Variants in FLRT2 observed in about 807,000 individuals in gnomAD.
FLRT2 encodes the protein fibronectin leucine rich transmembrane protein 2.
A neutral mutation model predicts 40.0 loss-of-function variants in FLRT2; 15 were observed. That is an observed-to-expected ratio of 0.38 (90% CI 0.25 to 0.58). The LOEUF is 0.58. Among genes scored for constraint, FLRT2 ranks in the 20% least tolerant of loss-of-function variants. The pLI is 0.71. For synonymous variants in FLRT2, 380 were observed against 336.8 expected, an observed-to-expected ratio of 1.13 and a Z score of -1.41; for missense variants, 726 against 840.0, an observed-to-expected ratio of 0.86 and a Z score of 1.68.
In FLRT2 at chr14:85,577,300, G is replaced by A. The variant is rs374051646; in HGVS notation, c.-376-43839G>A. Among the ~76,000 whole-genome samples the A allele has an allele frequency of 7.2e-5, 11 of 152,254 alleles. No individual in the cohort carries two copies. In the South Asian group the frequency reaches 2.1e-3, roughly 29 times the overall value. On this transcript the variant is annotated intron_variant, in intron 1 of 1. Transcript: ENST00000330753. Reference sequence around the variant, plus strand: ...TTTTGTCAATATATATAAAAATGGAGGAGAGGAAGTGAAATGATTCATTTT... The same window carrying A: ...TTTTGTCAATATATATAAAAATGGAAGAGAGGAAGTGAAATGATTCATTTT...
intron 1 of FLRT2, among the ~76,000 whole-genome samples, chr14:85,553,395 T>G (rs553979052): frequency 1.3e-5 from 2 of 152,238 alleles, no homozygotes; most frequent in African/African-American, 4.8e-5. Context: ...GTCCAATCTT[T>G]TGGCTTCCTG....
chr14:85,594,989 T>C (rs1239935936), intron 1 of FLRT2, among the ~76,000 whole-genome samples: 1 of 152,090 alleles, frequency 6.6e-6, no homozygotes, highest in Non-Finnish European at 1.5e-5. Flanking sequence ...ATGTATTAAG[T>C]GGAAATGGAT....
chr14:85,565,919 C>A (rs1890595839), intron 1 of FLRT2, among the ~76,000 whole-genome samples: 1 of 152,156 alleles, frequency 6.6e-6, no homozygotes, highest in Admixed American at 6.5e-5. Context: ...ACAGAAACTT[C>A]ATTGTTTGGG....
intron 1 of FLRT2, among the ~76,000 whole-genome samples, chr14:85,611,766 T>C (rs1278137567): frequency 1.3e-5 from 2 of 152,194 alleles, no homozygotes; most frequent in Non-Finnish European, 2.9e-5. Context: ...AGATTTTACA[T>C]TATTCCCTTA....
Position 85,541,544 on chromosome 14 carries a change from T to G in FLRT2, c.-377+11010T>G, listed in dbSNP as rs139037433. On this transcript the variant is annotated intron_variant, in intron 1 of 1. Transcript: ENST00000330753. ...TCCTTAAGTAGAAAATGGAGGAAAATGGAGGAGTAGCTCTTTCTACTCCTA... is the reference window on the plus strand; with the variant it reads ...TCCTTAAGTAGAAAATGGAGGAAAAGGGAGGAGTAGCTCTTTCTACTCCTA... Among the ~76,000 whole-genome samples, 1,193 of 152,234 alleles carry G rather than the reference T, an allele frequency of 7.8e-3. 9 individuals are homozygous for G. The highest frequency in any genetic ancestry group is 0.027 in the African/African-American group (1,137 of 41,528).
chr14:85,601,110 G>C (rs932600207), intron 1 of FLRT2, among the ~76,000 whole-genome samples: 1 of 152,156 alleles, frequency 6.6e-6, no homozygotes, highest in Non-Finnish European at 1.5e-5. Flanking sequence ...AGCTGACCAG[G>C]GAGGGACTAA....
intron 1 of FLRT2, among the ~76,000 whole-genome samples, chr14:85,611,083 A>T (rs1189427815): frequency 6.6e-6 from 1 of 152,086 alleles, no homozygotes; most frequent in Non-Finnish European, 1.5e-5. Context: ...TTTAGTAGAG[A>T]CAGGGTTTCA....
At chr14:85,604,898 A>T (rs1892538520) in intron 1 of FLRT2, among the ~76,000 whole-genome samples, 1 of 152,192 alleles carries the variant, frequency 6.6e-6, no homozygotes, top group African/African-American at 2.4e-5. Flanking sequence ...TGGTCCTCCC[A>T]GCCTAGTCTG....
At chr14:85,581,541 C>A (rs1325457593) in intron 1 of FLRT2, among the ~76,000 whole-genome samples, 2 of 152,126 alleles carry the variant, frequency 1.3e-5, no homozygotes, top group Non-Finnish European at 2.9e-5. Flanking sequence ...CTTCGTGGGC[C>A]TTCATAGCAC....
chr14:85,547,486 G>A (rs576410283), intron 1 of FLRT2, among the ~76,000 whole-genome samples: 1 of 151,996 alleles, frequency 6.6e-6, no homozygotes, highest in Admixed American at 6.6e-5. Flanking sequence ...ACCACACCCG[G>A]CTAACTTTTC....
intron 1 of FLRT2, among the ~76,000 whole-genome samples, chr14:85,601,966 A>G (rs913883918): frequency 2.6e-5 from 4 of 152,124 alleles, no homozygotes; most frequent in African/African-American, 9.7e-5. Context: ...GGGAGTGTTC[A>G]TTGTCTACCA....
At chr14:85,603,357 T>A (rs941919821) in intron 1 of FLRT2, among the ~76,000 whole-genome samples, 1 of 152,040 alleles carries the variant, frequency 6.6e-6, no homozygotes, top group Non-Finnish European at 1.5e-5. Context: ...AAAAAAAAGA[T>A]GTGTCATGAT....
chr14:85,545,413 A>C lies in FLRT2; in HGVS notation c.-377+14879A>C, dbSNP rs560396924. 2.6e-3 allele frequency among the ~76,000 whole-genome samples: 391 copies of C among 152,264 alleles called. 1 individual carries two copies. The highest frequency in any genetic ancestry group is 9.2e-3 in the African/African-American group (383 of 41,542). On this transcript the variant is annotated intron_variant, in intron 1 of 1. Transcript: ENST00000330753. ...TTGTTTTACTTTAGAGTTATTATTA[A>C]TTGTCTTAAAAGGGTAGATGGACAC...
intron 1 of FLRT2, among the ~76,000 whole-genome samples, chr14:85,561,615 C>T (rs537684200): frequency 3.9e-5 from 6 of 152,238 alleles, no homozygotes; most frequent in South Asian, 2.1e-4. Context: ...TCCTGATGCA[C>T]GGCTCCTGCC....
At chr14:85,557,704 C>A (rs1267224268) in intron 1 of FLRT2, among the ~76,000 whole-genome samples, 1 of 152,082 alleles carries the variant, frequency 6.6e-6, no homozygotes, top group Non-Finnish European at 1.5e-5. Flanking sequence ...GTAATCCCAG[C>A]TACTTGGGAG....
rs973871094 is a variant in FLRT2, at chr14:85,625,600, G to A, written c.*2103G>A. The A allele has an allele frequency of 6.0e-6, 1 of 167,010 alleles. No individual in the cohort carries two copies. The highest frequency in any genetic ancestry group is 1.5e-5 in the Non-Finnish European group (1 of 68,118). The allele number at this position is 167,010 out of a possible 1,614,324, so 10.3% of individuals were successfully genotyped here. On this transcript the variant is annotated 3_prime_UTR_variant, in exon 2 of 2. Coordinates refer to ENST00000330753, the MANE Select transcript of FLRT2 (RefSeq NM_013231.6). Reference sequence around the variant, plus strand: ...TTCCATTTTAGTCTATTAGCTAGAGGGTTTTGGCTGTTGCTTTTTTTAAAG... The same window carrying A: ...TTCCATTTTAGTCTATTAGCTAGAGAGTTTTGGCTGTTGCTTTTTTTAAAG...
In FLRT2 at chr14:85,644,427, C is replaced by T. The variant is rs1262170970; in HGVS notation, c.*20930C>T. 6.6e-6 allele frequency: 1 copy of T among 152,102 alleles called. No homozygotes were observed. The highest frequency in any genetic ancestry group is 2.4e-5 in the African/African-American group (1 of 41,408). The allele number at this position is 152,102 out of a possible 1,614,324, so 9.4% of individuals were successfully genotyped here. On this transcript the variant is annotated 3_prime_UTR_variant, in exon 2 of 2. Transcript: ENST00000330753. Reference sequence around the variant, plus strand: ...CAGGCCCTTGATTATCTTATCATACCAGAGGATGTCCCACAGGTCTACAGC... The same window carrying T: ...CAGGCCCTTGATTATCTTATCATACTAGAGGATGTCCCACAGGTCTACAGC...
intron 1 of FLRT2, among the ~76,000 whole-genome samples, chr14:85,598,255 C>T (rs1212938991): frequency 6.6e-6 from 1 of 152,132 alleles, no homozygotes; most frequent in African/African-American, 2.4e-5. Context: ...ACACGATTTG[C>T]TGCATGTTTG....
At position 85,608,219 on chromosome 14, in the gene FLRT2, G is replaced by A. The variant is rs145841489; in HGVS notation, c.-376-12920G>A. Among the ~76,000 whole-genome samples, 3 of 151,810 alleles carry A rather than the reference G, an allele frequency of 2.0e-5. No homozygotes were observed. The East Asian group carries it at 5.8e-4, about 29-fold the overall frequency. On this transcript the variant is annotated intron_variant, in intron 1 of 1. Coordinates refer to ENST00000330753, the MANE Select transcript of FLRT2 (RefSeq NM_013231.6). The stretch of plus-strand genomic sequence containing the variant: ...TCCACTGCCTCTCATGTGTTTGCTT[G>A]ATAAATGATTTTTTTTTTTTTCTTT...
Sources: allele counts gnomAD v4.1 joint callset (sites outside exome capture counted in the v4.1 genomes callset), GRCh38; gene constraint gnomAD v4.1.1; transcripts MANE v1.5; gene names NCBI Gene and HGNC (gene_info 2026-07-23, HGNC 2026-07-21).